The following UGT2B4 variants were observed in gnomAD, a reference collection of about 807,000 sequenced individuals.
UGT2B4 encodes UDP-glucuronosyltransferase 2B4.
Under a neutral mutation model 49.8 loss-of-function variants are expected in UGT2B4, and 49 were observed. The observed-to-expected ratio is 0.98, with a 90% CI of 0.78 to 1.25. The LOEUF (loss-of-function observed/expected upper bound fraction) is 1.25, where lower values mean the gene tolerates loss of function less well. Among genes scored for constraint, UGT2B4 ranks in the 50% most tolerant of loss-of-function variants. The probability of loss-of-function intolerance (pLI) is 0.00; values close to 1 mark genes in which losing one functional copy is unlikely to be tolerated. For synonymous variants in UGT2B4, 246 were observed against 217.7 expected (o/e 1.13, Z -1.14); for missense variants, 729 against 627.7 (o/e 1.16, Z -1.73).
At chr4:69,496,346 T>C (rs1728163125), upstream of UGT2B4, among the ~76,000 whole-genome samples, 1 of 152,172 alleles carries the variant, frequency 6.6e-6, no homozygotes, top group Admixed American at 6.5e-5. Flanking sequence ...AGTGCTGTAA[T>C]TCAGCTAATA....
intron 1 of UGT2B4, among the ~76,000 whole-genome samples, chr4:69,509,209 T>C (rs559476646): frequency 1.5e-4 from 22 of 145,418 alleles, no homozygotes; most frequent in Non-Finnish European, 3.2e-4. Flanking sequence ...CTCACTCTGC[T>C]ACCCAGACTG....
intron 2 of UGT2B4, among the ~76,000 whole-genome samples, chr4:69,492,438 T>A (rs1401489406): frequency 6.6e-6 from 1 of 152,116 alleles, no homozygotes; most frequent in Non-Finnish European, 1.5e-5. Flanking sequence ...CTGATGAAGA[T>A]CCTTGTCACT....
At chr4:69,486,489 GTTTCAT>G in intron 4 of UGT2B4, 114 bp downstream of exon 4, 1 of 635,700 alleles carries the variant, frequency 1.6e-6, no homozygotes, top group Non-Finnish European at 2.4e-6. Flanking sequence ...ATATAAAGAA[GTTTCAT>G]TTTATTTTTA....
rs755227368 is a variant in UGT2B4 at position 69,486,640 on chromosome 4, C to T, written c.1059G>A (p.Leu353=). Residue 353 remains leucine, a synonymous_variant, in exon 4 of 6, where the codon CTG becomes CTA. Transcript: ENST00000305107. Reference sequence around the variant, plus strand: ...GATCATTCTGGGGTATCCACTTGTACAGCCGAGTATTGAGTCCTAAAGTAT... The same window carrying T: ...GATCATTCTGGGGTATCCACTTGTATAGCCGAGTATTGAGTCCTAAAGTAT... The part of the protein sequence containing the change: ...KPDTLGLNTR[L]YKWIPQNDLL... 1.3e-5 allele frequency: 21 copies of T among 1,607,580 alleles called. No homozygotes were observed. The highest frequency in any genetic ancestry group is 1.7e-5 in the Non-Finnish European group (20 of 1,177,876).
intron 2 of UGT2B4, among the ~76,000 whole-genome samples, chr4:69,492,075 A>G (rs1022142546): frequency 5.3e-4 from 80 of 152,204 alleles, no homozygotes; most frequent in African/African-American, 1.8e-3. Flanking sequence ...ATGTTATATG[A>G]TGACAGAATT....
At chr4:69,500,602 CAAGG>C (rs1469582130), upstream of UGT2B4, among the ~76,000 whole-genome samples, 2,810 of 47,184 alleles carry the variant, frequency 0.06, 91 homozygotes, top group Admixed American at 0.1. Flanking sequence ...AGCAAGAAAG[CAAGG>C]AAGAAAGAAA....
At chr4:69,511,704 T>A (rs1728608636) in intron 1 of UGT2B4, among the ~76,000 whole-genome samples, 1 of 152,182 alleles carries the variant, frequency 6.6e-6, no homozygotes, top group Non-Finnish European at 1.5e-5. Flanking sequence ...TGAAAGTATC[T>A]TTTTCTTTTC....
intron 1 of UGT2B4, among the ~76,000 whole-genome samples, chr4:69,522,983 A>T (rs535404628): frequency 6.6e-6 from 1 of 152,120 alleles, no homozygotes; most frequent in Non-Finnish European, 1.5e-5. Context: ...GCAAATTCTC[A>T]TCAATTCAAG....
chr4:69,511,508 T>A (rs1486194890), intron 1 of UGT2B4, among the ~76,000 whole-genome samples: 2 of 152,186 alleles, frequency 1.3e-5, no homozygotes, highest in Non-Finnish European at 2.9e-5. Context: ...TTTCATTTAG[T>A]CATGATGAAT....
rs201776661 is a variant in UGT2B4, at chr4:69,495,261, G to C, written c.601C>G (p.Leu201Val). 137 of 1,613,194 alleles carry C rather than the reference G, an allele frequency of 8.5e-5. No homozygotes were observed. Among genetic ancestry groups the C allele is most frequent in the Non-Finnish European group, 1.1e-4 (134 of 1,179,740 alleles). Residue 201 changes from leucine (L) to valine (V), a missense_variant, in exon 1 of 6, where the codon CTA becomes GTA. Leu to Val is a conservative substitution (Grantham distance 32). Transcript: ENST00000305107. ...TCTATGAAAGTCATTTGGTCACTTA[G>C]TTCTGACATAACAACAGGCACATAG... ...PSYVPVVMSE[L>V]SDQMTFIERV...
exon 1 of UGT2B4, chr4:69,525,704 G>A: frequency 7.8e-7 from 1 of 1,280,566 alleles, no homozygotes; most frequent in South Asian, 1.2e-5. Context: ...ATTCGTTGAT[G>A]AGACATGTAA....
intron 1 of UGT2B4, among the ~76,000 whole-genome samples, chr4:69,505,426 T>C (rs1358551906): frequency 6.6e-6 from 1 of 152,176 alleles, no homozygotes; most frequent in Admixed American, 6.6e-5. Flanking sequence ...ATTTCAATCC[T>C]ACTTTCTGAC....
chr4:69,500,381 A>G (rs915886410), upstream of UGT2B4, among the ~76,000 whole-genome samples: 1 of 151,998 alleles, frequency 6.6e-6, no homozygotes, highest in Non-Finnish European at 1.5e-5. Flanking sequence ...CTGGACATGT[A>G]TCCTGAAACT....
chr4:69,506,020 A>G (rs561818444), intron 1 of UGT2B4, among the ~76,000 whole-genome samples: 1 of 152,304 alleles, frequency 6.6e-6, no homozygotes, highest in South Asian at 2.1e-4. Flanking sequence ...AAGATCTTTG[A>G]AACTAATGAG....
At chr4:69,508,203 A>C (rs1008952173) in intron 1 of UGT2B4, among the ~76,000 whole-genome samples, 5 of 152,190 alleles carry the variant, frequency 3.3e-5, no homozygotes, top group Admixed American at 1.3e-4. Context: ...AAATTAAAAA[A>C]ACAGATGTTG....
At chr4:69,494,849 A>G (rs1398454122) in intron 1 of UGT2B4, among the ~76,000 whole-genome samples, 1 of 152,150 alleles carries the variant, frequency 6.6e-6, no homozygotes, top group African/African-American at 2.4e-5. Context: ...AAGATGAAAA[A>G]ATGTATAATA....
intron 2 of UGT2B4, 23 bp from the exon 3 acceptor site, chr4:69,489,593 C>G: frequency 6.3e-7 from 1 of 1,595,784 alleles, no homozygotes; most frequent in African/African-American, 1.4e-5. Flanking sequence ...AGAATTTGTT[C>G]TATCATAATA....
chr4:69,500,624 A>AGAAAGAAAGAAG (rs1553896498), upstream of UGT2B4, among the ~76,000 whole-genome samples: 2 of 132,250 alleles, frequency 1.5e-5, no homozygotes, highest in East Asian at 2.0e-4. Flanking sequence ...AAAGAAAGAA[A>AGAAAGAAAGAAG]GAAAGAAAGA....
In UGT2B4 at chr4:69,481,091, G is replaced by GAAAAAAAAAAAAAAAAAAAAA. The variant is rs57494102; in HGVS notation, c.1311-202_1311-182dup. 2.9e-5 allele frequency among the ~76,000 whole-genome samples: 2 copies of GAAAAAAAAAAAAAAAAAAAAA among 67,824 alleles called. 1 individual carries two copies. Among genetic ancestry groups the GAAAAAAAAAAAAAAAAAAAAA allele is most frequent in the Non-Finnish European group, 5.1e-5 (2 of 38,966 alleles). 44.5% of individuals were successfully genotyped at this position (67,824 alleles called of 152,430 possible). On this transcript the variant is annotated intron_variant, in intron 5 of 5. Coordinates refer to ENST00000305107, the MANE Select transcript of UGT2B4 (RefSeq NM_021139.3). ...GTCACCCCGTCTCCAGTAAAAATAT[G>GAAAAAAAAAAAAAAAAAAAAA]AAAAAAAAAAAAAAAAAAAAAAAAA...
Sources: gnomAD v4.1 joint callset for allele counts (sites outside exome capture counted in the v4.1 genomes callset) on GRCh38, gnomAD v4.1.1 for gene constraint, MANE v1.5 for transcripts, NCBI Gene and HGNC (gene_info 2026-07-23, HGNC 2026-07-21) for gene names.